Variants in GPR83 observed in about 807,000 individuals in gnomAD.
GPR83 encodes the protein G-protein coupled receptor 72.
A neutral mutation model predicts 28.0 loss-of-function variants in GPR83; 23 were observed. The ratio of observed to expected loss-of-function variants is 0.82; its 90% CI spans 0.59 to 1.16. The LOEUF (loss-of-function observed/expected upper bound fraction) is 1.16, where lower values mean the gene tolerates loss of function less well. Among genes scored for constraint, GPR83 ranks in the 50% most tolerant of loss-of-function variants. GPR83 has a pLI of 0.00. For synonymous variants in GPR83, 234 were observed against 215.4 expected, an observed-to-expected ratio of 1.09 and a Z score of -0.76; for missense variants, 610 against 536.6, an observed-to-expected ratio of 1.14 and a Z score of -1.35.
chr11:94,380,712 T>C lies in GPR83; in HGVS notation c.709A>G (p.Lys237Glu), dbSNP rs760886783. ...ATGAAGGTGGCCAAGTCCAGGTACT[T>C]CCAGAAGAGGTCAGCTGGCTCAGGG... is the stretch of plus-strand genomic sequence containing the variant. ...DFPEPADLFW[K>E]YLDLATFILL... is the part of the protein sequence containing the mutation. Residue 237 changes from lysine (K) to glutamate (E), a missense_variant, in exon 4 of 4, where the codon AAG becomes GAG. Physicochemically the swap from Lys to Glu is moderately conservative, Grantham distance 56 (BLOSUM62 1). Coordinates refer to ENST00000243673, the MANE Select transcript of GPR83 (RefSeq NM_016540.4). The C allele has an allele frequency of 1.8e-5, 29 of 1,612,550 alleles. No individual in the cohort carries two copies. The highest frequency in any genetic ancestry group is 2.5e-5 in the Non-Finnish European group (29 of 1,179,848).
intron 2 of GPR83, among the ~76,000 whole-genome samples, chr11:94,393,918 C>T (rs1944842416): frequency 6.6e-6 from 1 of 152,116 alleles, no homozygotes; most frequent in Non-Finnish European, 1.5e-5. Flanking sequence ...ATTATTGAGC[C>T]CCTGAGCTAC....
At chr11:94,388,523 C>T (rs1944782457) in intron 3 of GPR83, among the ~76,000 whole-genome samples, 1 of 152,074 alleles carries the variant, frequency 6.6e-6, no homozygotes, top group Non-Finnish European at 1.5e-5. Context: ...TTCTTATACA[C>T]CAATAACAGA....
Position 94,391,361 on chromosome 11 carries a change from A to T in GPR83, c.647+2124T>A, listed in dbSNP as rs369028148. On this transcript the variant is annotated intron_variant, in intron 3 of 3. Coordinates refer to ENST00000243673, the MANE Select transcript of GPR83 (RefSeq NM_016540.4). ...AAGACTTAAACTAAGACCTAGAATC[A>T]TAAAAATCCTAGAAGAAAGCCTGGA... Among the ~76,000 whole-genome samples the T allele has an allele frequency of 1.9e-4, 29 of 152,368 alleles. 2 individuals are homozygous for T. The highest frequency in any genetic ancestry group is 6.0e-4 in the African/African-American group (25 of 41,590).
intron 3 of GPR83, among the ~76,000 whole-genome samples, chr11:94,382,497 T>C (rs542223906): frequency 1.4e-3 from 216 of 152,042 alleles, no homozygotes; most frequent in African/African-American, 4.3e-3. Flanking sequence ...CCTAAATATA[T>C]ATGCACCCAA....
Position 94,401,352 on chromosome 11 carries a change from T to C in GPR83, c.-105A>G. The C allele has an allele frequency of 1.8e-6, 2 of 1,113,268 alleles. No individual in the cohort carries two copies. Among genetic ancestry groups the C allele is most frequent in the Non-Finnish European group, 1.2e-6 (1 of 826,940 alleles). 69.0% of individuals were successfully genotyped at this position (1,113,268 alleles called of 1,614,324 possible). ...GCGGGGCGCACAGCATACAAGGCCG[T>C]CCCGAGGAGCCAGGGAGCCCGGACG... On this transcript the variant is annotated 5_prime_UTR_variant, in exon 1 of 4. Coordinates refer to ENST00000243673, the MANE Select transcript of GPR83 (RefSeq NM_016540.4).
intron 3 of GPR83, among the ~76,000 whole-genome samples, chr11:94,381,253 T>C (rs77978117): frequency 0.02 from 3,032 of 152,294 alleles, 41 homozygotes; most frequent in Middle Eastern, 0.034. Flanking sequence ...CAAGTATTTA[T>C]TTGATATGGA....
Position 94,393,554 on chromosome 11 carries a change from A to G in GPR83, c.578T>C (p.Ile193Thr), listed in dbSNP as rs1455501494. The G allele has an allele frequency of 6.2e-7, 1 of 1,613,780 alleles. No homozygotes were observed. Among genetic ancestry groups the G allele is most frequent in the Non-Finnish European group, 8.5e-7 (1 of 1,179,646 alleles). The stretch of plus-strand genomic sequence containing the variant: ...TGAAAAGAACGTAGCCATGGTCCAG[A>G]TGACAGCGATGTAGATGACACCCTT... Reference protein sequence around the residue: ...ITKGVIYIAVIWTMATFFSLP... With the variant: ...ITKGVIYIAVTWTMATFFSLP... Residue 193 changes from isoleucine (I) to threonine (T), a missense_variant, in exon 3 of 4, where the codon ATC (isoleucine) becomes ACC (threonine). Ile to Thr is a moderately conservative substitution (Grantham distance 89). Transcript: ENST00000243673.
Position 94,380,450 on chromosome 11 carries a change from T to C in GPR83, c.971A>G (p.Asn324Ser), listed in dbSNP as rs762585665. The change falls in exon 4 of 4, where the codon AAT becomes AGT. Residue 324 changes from asparagine to serine, a missense_variant. By Grantham distance (46) the Asn-to-Ser change is conservative (BLOSUM62 1). Coordinates refer to ENST00000243673, the MANE Select transcript of GPR83 (RefSeq NM_016540.4). ...LLSSKVIRTN[N>S]ALYFAFHWFA... Reference sequence around the variant, plus strand: ...CCAGTGGAAGGCAAAGTAGAGGGCATTGTTGGTGCGGATGACCTTGCTGGA... The same window carrying C: ...CCAGTGGAAGGCAAAGTAGAGGGCACTGTTGGTGCGGATGACCTTGCTGGA... 26 of 1,613,972 alleles carry C rather than the reference T, an allele frequency of 1.6e-5. No individual in the cohort carries two copies. The highest frequency in any genetic ancestry group is 1.3e-4 in the East Asian group (6 of 44,886).
intron 3 of GPR83, among the ~76,000 whole-genome samples, chr11:94,382,337 C>A (rs1291882392): frequency 2.3e-5 from 2 of 88,602 alleles, no homozygotes; most frequent in Non-Finnish European, 2.0e-5. Flanking sequence ...GAGTGAAACA[C>A]CATCTCAAAA....
intron 3 of GPR83, among the ~76,000 whole-genome samples, chr11:94,383,481 A>G (rs1944714818): frequency 6.6e-6 from 1 of 152,222 alleles, no homozygotes; most frequent in African/African-American, 2.4e-5. Flanking sequence ...GAAATAACAA[A>G]GATCAGAGCA....
intron 3 of GPR83, among the ~76,000 whole-genome samples, chr11:94,392,151 G>T (rs1274388716): frequency 1.3e-5 from 2 of 152,018 alleles, no homozygotes; most frequent in East Asian, 1.9e-4. Flanking sequence ...CCGTAAAAAA[G>T]GATGAGTTCA....
At chr11:94,382,670 C>T (rs566944738) in intron 3 of GPR83, among the ~76,000 whole-genome samples, 2 of 152,208 alleles carry the variant, frequency 1.3e-5, no homozygotes, top group Middle Eastern at 3.4e-3. Context: ...ACTCAGCTCT[C>T]GACCAAATGG....
chr11:94,388,836 A>C (rs1240072125), intron 3 of GPR83, among the ~76,000 whole-genome samples: 1 of 152,202 alleles, frequency 6.6e-6, no homozygotes, highest in Admixed American at 6.5e-5. Flanking sequence ...TAAAGTTCAT[A>C]TGGAACCAAA....
chr11:94,383,886 C>A (rs1217418794), intron 3 of GPR83, among the ~76,000 whole-genome samples: 2 of 152,170 alleles, frequency 1.3e-5, no homozygotes, highest in East Asian at 3.9e-4. Flanking sequence ...AGATTCACAG[C>A]CAGATTCTAC....
intron 3 of GPR83, among the ~76,000 whole-genome samples, chr11:94,385,157 C>A (rs1303987940): frequency 6.6e-6 from 1 of 152,174 alleles, no homozygotes; most frequent in African/African-American, 2.4e-5. Context: ...AGAAGGAAAA[C>A]TAACAAACAG....
intron 1 of GPR83, among the ~76,000 whole-genome samples, chr11:94,400,362 C>T (rs1303711621): frequency 1.3e-5 from 2 of 150,076 alleles, no homozygotes; most frequent in East Asian, 2.0e-4. Context: ...GCTGATAAGG[C>T]GATGAGACAG....
Position 94,393,540 on chromosome 11 carries a change from T to C in GPR83, c.592A>G (p.Thr198Ala). 1.2e-6 allele frequency: 2 copies of C among 1,613,864 alleles called. No individual in the cohort carries two copies. Among genetic ancestry groups the C allele is most frequent in the Non-Finnish European group, 1.7e-6 (2 of 1,179,714 alleles). Residue 198 changes from threonine (T) to alanine (A), a missense_variant, in exon 3 of 4, where the codon ACG becomes GCG. Transcript: ENST00000243673. ...IYIAVIWTMA[T>A]FFSLPHAICQ... ...ATAGCATGTGGGAGTGAAAAGAACG[T>C]AGCCATGGTCCAGATGACAGCGATG...
In GPR83 at chr11:94,386,150, A is replaced by G. The variant is rs574973362; in HGVS notation, c.648-5377T>C. ...TTACGTTACAGATAAGCAAATGCTG[A>G]GAGACTCTGTCACCACCAGGCCTGC... On this transcript the variant is annotated intron_variant, in intron 3 of 3. Transcript: ENST00000243673. Among the ~76,000 whole-genome samples, 15 of 152,324 alleles carry G rather than the reference A, an allele frequency of 9.8e-5. No homozygotes were observed. The East Asian group carries it at 2.9e-3, about 29-fold the overall frequency.
intron 2 of GPR83, among the ~76,000 whole-genome samples, chr11:94,394,707 C>A (rs902541940): frequency 3.9e-5 from 6 of 152,108 alleles, no homozygotes; most frequent in African/African-American, 7.2e-5. Context: ...AGCACATCTC[C>A]CTTCTGGATT....
Sources: allele counts gnomAD v4.1 joint callset (sites outside exome capture counted in the v4.1 genomes callset), GRCh38; gene constraint gnomAD v4.1.1; transcripts MANE v1.5; gene names NCBI Gene and HGNC (gene_info 2026-07-23, HGNC 2026-07-21).